The following APPL1 variants were observed in gnomAD, a reference collection of about 807,000 sequenced individuals.
APPL1 encodes DCC-interacting protein 13-alpha.
In APPL1, 42 loss-of-function variants were observed where a neutral mutation model predicts 106.8. The observed-to-expected ratio is 0.39, with a 90% CI of 0.31 to 0.51. The LOEUF (loss-of-function observed/expected upper bound fraction) is 0.51. Among genes scored for constraint, APPL1 ranks in the 20% least tolerant of loss-of-function variants. APPL1 has a pLI of 0.75. For missense variants in APPL1, 769 were observed against 858.2 expected, an observed-to-expected ratio of 0.90 and a Z score of 1.30; for synonymous variants, 263 against 281.8, an observed-to-expected ratio of 0.93 and a Z score of 0.67.
Position 57,268,387 on chromosome 3 carries a change from C to A in APPL1, c.1894-11C>A. The A allele has an allele frequency of 6.5e-7, 1 of 1,530,536 alleles. No homozygotes were observed. The highest frequency in any genetic ancestry group is 1.2e-5 in the South Asian group (1 of 85,190). The allele number at this position is 1,530,536 out of a possible 1,614,324, so 94.8% of individuals were successfully genotyped here. ...TATTTAATTCATTAGTTTTATTCAT[C>A]TGTTCTTTAGGATCGTAGGGCATCA... is the stretch of plus-strand genomic sequence containing the variant. On this transcript the variant is annotated splice_polypyrimidine_tract_variant and intron_variant, in intron 20 of 21. Transcript: ENST00000288266.
At chr3:57,258,939 A>T in intron 15 of APPL1, 89 bp from the exon 16 acceptor site, 2 of 976,058 alleles carry the variant, frequency 2.0e-6, no homozygotes, top group African/African-American at 1.7e-5. Flanking sequence ...TTTTTTTTTA[A>T]ATGTTAACTG....
intron 9 of APPL1, 129 bp downstream of exon 9, chr3:57,247,606 G>A (rs2060781387): frequency 1.6e-6 from 1 of 621,498 alleles, no homozygotes; most frequent in Non-Finnish European, 2.7e-6. Flanking sequence ...AGTTTCTTAT[G>A]TGGTTCATGG....
chr3:57,248,641 G>A (rs1455842508), intron 10 of APPL1, among the ~76,000 whole-genome samples: 4 of 152,046 alleles, frequency 2.6e-5, no homozygotes, highest in African/African-American at 7.2e-5. Flanking sequence ...AGGCTGAGGC[G>A]GGCGGATCAC....
chr3:57,271,581 C>T lies in APPL1; in HGVS notation c.*1894C>T, dbSNP rs1559517732. On this transcript the variant is annotated 3_prime_UTR_variant, in exon 22 of 22. Transcript: ENST00000288266. The stretch of plus-strand genomic sequence containing the variant: ...GTTTATACTACAAATTGTCACCTCA[C>T]TTAGTTCAGATGAAATCTGTTACTC... 6.6e-6 allele frequency: 1 copy of T among 152,198 alleles called. No homozygotes were observed. The highest frequency in any genetic ancestry group is 1.5e-5 in the Non-Finnish European group (1 of 68,034). 9.4% of individuals were successfully genotyped at this position (152,198 alleles called of 1,614,324 possible). A position where few individuals can be genotyped will look rare whatever the true frequency, so the allele number is the denominator to read the frequency against.
At chr3:57,254,029 AT>A (rs1257795528) in intron 13 of APPL1, among the ~76,000 whole-genome samples, 12 of 152,154 alleles carry the variant, frequency 7.9e-5, no homozygotes, top group African/African-American at 2.7e-4. Flanking sequence ...CACCCAGCTA[AT>A]TTTTGTATTT....
chr3:57,251,910 A>G (rs1467685560), intron 11 of APPL1, among the ~76,000 whole-genome samples: 2 of 152,166 alleles, frequency 1.3e-5, no homozygotes, highest in African/African-American at 4.8e-5. Flanking sequence ...TATTAGGATC[A>G]TTGATGTATA....
In APPL1 at chr3:57,237,480, C is replaced by T. The variant is rs1345045883; in HGVS notation, c.154-12C>T. 6.3e-7 allele frequency: 1 copy of T among 1,589,992 alleles called. No individual in the cohort carries two copies. On this transcript the variant is annotated splice_polypyrimidine_tract_variant and intron_variant, in intron 2 of 21. Transcript: ENST00000288266. ...TCCCAGTAATATGCTAATTTGAATG[C>T]TTTTTCCATAGAATGAATTAAGTGC...
intron 18 of APPL1, chr3:57,260,391 CT>C: frequency 1.8e-6 from 1 of 556,596 alleles, no homozygotes; most frequent in East Asian, 3.3e-5. Flanking sequence ...TTCTTTTTGA[CT>C]TTGTAAAATG....
chr3:57,252,231 T>C, intron 11 of APPL1, 38 bp from the exon 12 acceptor site: 9 of 1,558,574 alleles, frequency 5.8e-6, no homozygotes, highest in Non-Finnish European at 7.9e-6. Flanking sequence ...AAAATACTTT[T>C]TTAAACAGTT....
At chr3:57,246,047 C>T in intron 7 of APPL1, 29 bp from the exon 8 acceptor site, 4 of 1,495,090 alleles carry the variant, frequency 2.7e-6, no homozygotes, top group Non-Finnish European at 3.6e-6. Context: ...AGATTATTTA[C>T]TTAATTATTT....
At position 57,269,898 on chromosome 3, in the gene APPL1, A is replaced by C; in HGVS notation, c.*211A>C. On this transcript the variant is annotated 3_prime_UTR_variant, in exon 22 of 22. Coordinates refer to ENST00000288266, the MANE Select transcript of APPL1 (RefSeq NM_012096.3). ...CCTTAAACATAATGTACTATGTATT[A>C]ACATCTAAAGGAAACCTGCTCATCT... 2.2e-6 allele frequency: 1 copy of C among 453,054 alleles called. No homozygotes were observed. The highest frequency in any genetic ancestry group is 5.0e-5 in the South Asian group (1 of 20,108). 28.1% of individuals were successfully genotyped at this position (453,054 alleles called of 1,614,324 possible). A position where few individuals can be genotyped will look rare whatever the true frequency, so the allele number is the denominator to read the frequency against.
chr3:57,258,815 G>A, intron 15 of APPL1: 1 of 408,832 alleles, frequency 2.4e-6, no homozygotes, highest in Non-Finnish European at 4.3e-6. Flanking sequence ...CAATTCATCT[G>A]TGTCTTCTAA....
chr3:57,260,832 G>T, intron 19 of APPL1, 58 bp downstream of exon 19: 2 of 1,413,326 alleles, frequency 1.4e-6, no homozygotes, highest in Non-Finnish European at 1.9e-6. Flanking sequence ...TTCTTACTAA[G>T]ATTTAATAAT....
chr3:57,232,480 G>C (rs2060691910), intron 1 of APPL1, among the ~76,000 whole-genome samples: 1 of 152,132 alleles, frequency 6.6e-6, no homozygotes. Context: ...GATCAATTTT[G>C]CCACCATTTG....
intron 9 of APPL1, among the ~76,000 whole-genome samples, chr3:57,247,725 C>CA (rs1354167945): frequency 1.3e-5 from 2 of 151,952 alleles, no homozygotes; most frequent in African/African-American, 4.8e-5. Context: ...CTGAATATAA[C>CA]AGACACATAA....
intron 5 of APPL1, among the ~76,000 whole-genome samples, chr3:57,241,843 T>C (rs894281603): frequency 6.6e-6 from 1 of 152,194 alleles, no homozygotes; most frequent in Admixed American, 6.5e-5. Flanking sequence ...TATCTTACCA[T>C]TTACAGTGGG....
chr3:57,266,233 TCTC>T (rs1350772781), intron 19 of APPL1, among the ~76,000 whole-genome samples: 4 of 152,170 alleles, frequency 2.6e-5, no homozygotes, highest in Non-Finnish European at 4.4e-5. Flanking sequence ...AGTATTCCCT[TCTC>T]CTCTATTTTT....
intron 7 of APPL1, among the ~76,000 whole-genome samples, chr3:57,245,248 G>T (rs1336516228): frequency 6.6e-6 from 1 of 152,146 alleles, no homozygotes. Flanking sequence ...AGAACCTAAT[G>T]CCTATTACAT....
In APPL1 at chr3:57,240,539, AAG is replaced by A; in HGVS notation, c.364_365del (p.Asp122SerfsTer16). The A allele has an allele frequency of 1.9e-6, 3 of 1,613,508 alleles. No homozygotes were observed. The highest frequency in any genetic ancestry group is 2.5e-6 in the Non-Finnish European group (3 of 1,179,496). On this transcript the variant is annotated frameshift_variant, in exon 5 of 22. Coordinates refer to ENST00000288266, the MANE Select transcript of APPL1 (RefSeq NM_012096.3). LOFTEE classifies it high-confidence loss of function. ...TGTTCCCCATTACCCAGTTTAAAGA[AAG>A]AGATCTGAAAGGTATTGAAGTCAAG... ...MMFPITQFKE[R>X]DLKEILTLKE...
Sources: gnomAD v4.1 joint callset for allele counts (sites outside exome capture counted in the v4.1 genomes callset) on GRCh38, gnomAD v4.1.1 for gene constraint, MANE v1.5 for transcripts, NCBI Gene and HGNC (gene_info 2026-07-23, HGNC 2026-07-21) for gene names.